The following STRADA variants were observed in gnomAD, a reference collection of about 807,000 sequenced individuals.
The protein encoded by STRADA is STE20-related kinase adapter protein alpha.
Under a neutral mutation model 55.0 loss-of-function variants are expected in STRADA, and 26 were observed. The ratio of observed to expected loss-of-function variants is 0.47; its 90% confidence interval spans 0.35 to 0.66. The LOEUF is 0.66. Ranked by LOEUF, STRADA falls within the 30% of genes least tolerant of loss-of-function variation. The pLI is 0.01. For synonymous variants in STRADA, 197 were observed against 210.9 expected (o/e 0.93, Z 0.57); for missense variants, 443 against 549.7 (o/e 0.81, Z 1.94).
At chr17:63,704,772 C>T (rs2035967899) in intron 10 of STRADA, 190 bp from the exon 11 acceptor site, 19 of 1,532,890 alleles carry the variant, frequency 1.2e-5, no homozygotes, top group Non-Finnish European at 1.7e-5. Context: ...CGTGGCAGCT[C>T]CGCCCTAGCC....
In STRADA at chr17:63,741,722, C is replaced by G; in HGVS notation, c.-45+19G>C. 1 of 152,400 alleles carries G rather than the reference C, an allele frequency of 6.6e-6. No homozygotes were observed. Among genetic ancestry groups the G allele is most frequent in the East Asian group, 1.9e-4 (1 of 5,208 alleles). 9.4% of individuals were successfully genotyped at this position (152,400 alleles called of 1,614,324 possible). A position where few individuals can be genotyped will look rare whatever the true frequency, so the allele number is the denominator to read the frequency against. On this transcript the variant is annotated intron_variant, in intron 1 of 12. Coordinates refer to ENST00000336174, the MANE Select transcript of STRADA (RefSeq NM_001003787.4). ...GGACTGGCCCCGGCAGCGTACCAGG[C>G]ACCCCGCCAGGCAGGTACCTGTTCC...
At chr17:63,725,362 G>A (rs903192125) in intron 3 of STRADA, among the ~76,000 whole-genome samples, 1 of 152,062 alleles carries the variant, frequency 6.6e-6, no homozygotes, top group Non-Finnish European at 1.5e-5. Flanking sequence ...TTTTGAGACG[G>A]AGTCTCAAAA....
chr17:63,735,875 C>T (rs1283138468), intron 1 of STRADA, among the ~76,000 whole-genome samples: 2 of 152,026 alleles, frequency 1.3e-5, no homozygotes, highest in African/African-American at 2.4e-5. Context: ...AAGCCCCTGG[C>T]GTAACTGCCC....
In STRADA at chr17:63,703,358, A is replaced by C; in HGVS notation, c.*241T>G. ...GTCACCTGAGCTCACAGGACTGGGA[A>C]TGTCGGCTTTGGACCCTCCTGATCC... On this transcript the variant is annotated 3_prime_UTR_variant, in exon 13 of 13. Transcript: ENST00000336174. The C allele has an allele frequency of 6.7e-6, 3 of 446,004 alleles. No homozygotes were observed. The highest frequency in any genetic ancestry group is 4.2e-5 in the East Asian group (1 of 24,050). 27.6% of individuals were successfully genotyped at this position (446,004 alleles called of 1,614,324 possible).
At chr17:63,706,848 T>G (rs1030664907) in intron 9 of STRADA, 109 bp from the exon 10 acceptor site, 6 of 784,268 alleles carry the variant, frequency 7.7e-6, no homozygotes, top group Non-Finnish European at 1.3e-5. Context: ...CAGGACCTGC[T>G]GCTAATGACT....
At chr17:63,735,502 G>A (rs1364635668) in intron 1 of STRADA, among the ~76,000 whole-genome samples, 1 of 152,108 alleles carries the variant, frequency 6.6e-6, no homozygotes, top group Non-Finnish European at 1.5e-5. Context: ...TATGTTTCTA[G>A]GAGAGACCTT....
chr17:63,732,517 C>T (rs1003183148), intron 1 of STRADA, among the ~76,000 whole-genome samples: 3 of 151,894 alleles, frequency 2.0e-5, no homozygotes, highest in Admixed American at 6.6e-5. Flanking sequence ...TTGTGTAGGC[C>T]GGGCGTGGTG....
intron 1 of STRADA, among the ~76,000 whole-genome samples, chr17:63,731,189 G>A (rs953956061): frequency 4.0e-5 from 6 of 149,234 alleles, no homozygotes; most frequent in African/African-American, 1.0e-4. Context: ...TGATCTGCCC[G>A]CCTCGGGCCT....
chr17:63,707,350 T>G lies in STRADA; in HGVS notation c.650A>C (p.Asn217Thr), dbSNP rs751638115. The change falls in exon 9 of 13, where the codon AAC (asparagine) becomes ACC (threonine). Residue 217 changes from asparagine to threonine, a missense_variant. Transcript: ENST00000336174. Reference sequence around the variant, plus strand: ...CTGCCCATGGCTTATCATGCTGAGGTTGCTGCGCAAACCAGACAGGTAGAC... The same window carrying G: ...CTGCCCATGGCTTATCATGCTGAGGGTGCTGCGCAAACCAGACAGGTAGAC... ...GKVYLSGLRS[N>T]LSMISHGQRQ... 1 of 1,613,982 alleles carries G rather than the reference T, an allele frequency of 6.2e-7. No homozygotes were observed. The highest frequency in any genetic ancestry group is 1.1e-5 in the South Asian group (1 of 91,066).
intron 4 of STRADA, among the ~76,000 whole-genome samples, chr17:63,716,391 C>G (rs1004555525): frequency 1.3e-5 from 2 of 152,090 alleles, no homozygotes; most frequent in Non-Finnish European, 2.9e-5. Context: ...CCACTGTGCC[C>G]GGCCACATGT....
chr17:63,728,246 C>T (rs2037785618), intron 2 of STRADA, 88 bp downstream of exon 2: 18 of 1,318,300 alleles, frequency 1.4e-5, no homozygotes, highest in South Asian at 8.5e-5. Context: ...CCGACCCTCA[C>T]GTAGAAAACC....
At chr17:63,728,152 G>T in intron 2 of STRADA, 182 bp downstream of exon 2, 2 of 533,860 alleles carry the variant, frequency 3.7e-6, no homozygotes, top group Non-Finnish European at 6.6e-6. Context: ...TGTGTCTCTG[G>T]TCAGCCTCTG....
intron 10 of STRADA, chr17:63,704,880 C>A: frequency 6.5e-7 from 1 of 1,536,092 alleles, no homozygotes; most frequent in Non-Finnish European, 8.7e-7. Context: ...TCCAAGGCAT[C>A]AAATTCCTTT....
At chr17:63,730,287 C>G (rs751903025) in intron 1 of STRADA, among the ~76,000 whole-genome samples, 4 of 152,056 alleles carry the variant, frequency 2.6e-5, no homozygotes, top group Non-Finnish European at 4.4e-5. Context: ...TTTTCCATAC[C>G]CTCAAACCCA....
intron 10 of STRADA, 43 bp from the exon 11 acceptor site, chr17:63,704,625 G>GTC (rs778334499): frequency 2.0e-6 from 2 of 990,878 alleles, no homozygotes; most frequent in African/African-American, 3.3e-5. Flanking sequence ...GCGGGTGGGG[G>GTC]GGGGGGGTGG....
Position 63,728,738 on chromosome 17 carries a change from A to T in STRADA, c.-44-325T>A, listed in dbSNP as rs1376234450. ...ACATGGTGAAACCCCATCTCTATAA[A>T]AAAAAAAAAAAAAAAAAAAAAAGCC... is the stretch of plus-strand genomic sequence containing the variant. On this transcript the variant is annotated intron_variant, in intron 1 of 12. Coordinates refer to ENST00000336174, the MANE Select transcript of STRADA (RefSeq NM_001003787.4). Among the ~76,000 whole-genome samples, 147 of 15,170 alleles carry T rather than the reference A, an allele frequency of 9.7e-3. 5 individuals carry two copies. The African/African-American group carries it at 0.14, about 14-fold the overall frequency. 10.0% of individuals were successfully genotyped at this position (15,170 alleles called of 152,430 possible). A position where few individuals can be genotyped will look rare whatever the true frequency, so the allele number is the denominator to read the frequency against.
chr17:63,722,146 A>G (rs1277601361), intron 4 of STRADA, among the ~76,000 whole-genome samples: 2 of 152,258 alleles, frequency 1.3e-5, no homozygotes, highest in East Asian at 3.8e-4. Flanking sequence ...TGCTCATAGA[A>G]AGGAACTAAT....
intron 10 of STRADA, chr17:63,704,830 C>T (rs889826414): frequency 1.3e-6 from 2 of 1,535,526 alleles, no homozygotes; most frequent in African/African-American, 2.7e-5. Flanking sequence ...CCGCTTTCGC[C>T]ATGGCTGGAA....
At chr17:63,740,145 T>C (rs34185939) in intron 1 of STRADA, among the ~76,000 whole-genome samples, 11,543 of 42,036 alleles carry the variant, frequency 0.27, 1,879 homozygotes, top group Middle Eastern at 0.4. Context: ...CATATATATA[T>C]ATACACACAC....
Sources: allele counts gnomAD v4.1 joint callset (sites outside exome capture counted in the v4.1 genomes callset), GRCh38; gene constraint gnomAD v4.1.1; transcripts MANE v1.5; gene names NCBI Gene and HGNC (gene_info 2026-07-23, HGNC 2026-07-21).